SNX25: variants seen among roughly 807,000 people sequenced by gnomAD.
SNX25 encodes the protein sorting nexin 25.
Under a neutral mutation model 113.7 loss-of-function variants are expected in SNX25, and 62 were observed. The ratio of observed to expected loss-of-function variants is 0.55; its 90% CI spans 0.44 to 0.67. The LOEUF (loss-of-function observed/expected upper bound fraction) is 0.67, where lower values mean the gene tolerates loss of function less well. SNX25 is among the 30% of genes least tolerant of loss of function. SNX25 has a pLI of 0.00. For missense variants in SNX25, 1,014 were observed against 1,161.0 expected, an observed-to-expected ratio of 0.87 and a Z score of 1.84; for synonymous variants, 421 against 436.2, an observed-to-expected ratio of 0.97 and a Z score of 0.43.
At chr4:185,268,059 G>T (rs1579549283) in intron 5 of SNX25, among the ~76,000 whole-genome samples, 1 of 152,210 alleles carries the variant, frequency 6.6e-6, no homozygotes, top group Non-Finnish European at 1.5e-5. Context: ...ACAAAATCCT[G>T]TGTAAGTGGA....
At chr4:185,377,761 G>C in the SNX25 span, 14 of 208,552 alleles carry the variant, frequency 6.7e-5, no homozygotes, top group African/African-American at 3.2e-4. Flanking sequence ...GGGAAGATAA[G>C]GTATTTAAAT....
chr4:185,240,773 C>G (rs1378363978), intron 1 of SNX25, among the ~76,000 whole-genome samples: 2 of 150,940 alleles, frequency 1.3e-5, no homozygotes, highest in African/African-American at 2.4e-5. Context: ...GAGTGGCTGC[C>G]GAGCGGAGGG....
At chr4:185,356,818 AG>A (rs1270724698) in intron 15 of SNX25, among the ~76,000 whole-genome samples, 1 of 152,198 alleles carries the variant, frequency 6.6e-6, no homozygotes, top group Non-Finnish European at 1.5e-5. Context: ...CAATAGATGG[AG>A]GTGAATATAT....
chr4:185,359,559 C>T (rs1463773573), intron 16 of SNX25, among the ~76,000 whole-genome samples: 2 of 152,010 alleles, frequency 1.3e-5, no homozygotes, highest in East Asian at 1.9e-4. Context: ...TTTGGGAGGC[C>T]GGAGCAGGTG....
intron 7 of SNX25, among the ~76,000 whole-genome samples, chr4:185,313,287 A>G (rs972825607): frequency 1.3e-5 from 2 of 152,364 alleles, no homozygotes; most frequent in African/African-American, 4.8e-5. Context: ...ATCAGACAAA[A>G]TAGACTTCGG....
At chr4:185,289,914 C>G (rs906697937) in intron 6 of SNX25, among the ~76,000 whole-genome samples, 2 of 152,188 alleles carry the variant, frequency 1.3e-5, no homozygotes, top group African/African-American at 4.8e-5. Context: ...TTAATTTTCT[C>G]ACAGTTCTGG....
intron 5 of SNX25, among the ~76,000 whole-genome samples, chr4:185,283,436 T>G (rs1163376616): frequency 6.6e-6 from 1 of 152,088 alleles, no homozygotes; most frequent in African/African-American, 2.4e-5. Flanking sequence ...GAAATATTAC[T>G]GAGAAGGGAG....
chr4:185,347,318 A>G (rs1168709482), intron 13 of SNX25, among the ~76,000 whole-genome samples: 2 of 152,080 alleles, frequency 1.3e-5, no homozygotes, highest in Non-Finnish European at 2.9e-5. Flanking sequence ...CAGCAGTTTT[A>G]TACTCTCCCC....
intron 6 of SNX25, among the ~76,000 whole-genome samples, chr4:185,295,408 T>C (rs1752702880): frequency 6.6e-6 from 1 of 151,846 alleles, no homozygotes; most frequent in South Asian, 2.1e-4. Flanking sequence ...ATACACACAA[T>C]ATAAATATAG....
intron 1 of SNX25, among the ~76,000 whole-genome samples, chr4:185,226,240 A>T (rs1470685692): frequency 6.6e-6 from 1 of 152,142 alleles, no homozygotes; most frequent in African/African-American, 2.4e-5. Context: ...TTCTGCGATC[A>T]CTTTTTCTGC....
downstream of SNX25, among the ~76,000 whole-genome samples, chr4:185,371,424 C>T (rs2095414971): frequency 6.6e-6 from 1 of 151,690 alleles, no homozygotes; most frequent in African/African-American, 2.4e-5. Flanking sequence ...TGCCTGTAGT[C>T]CCAGCTACTC....
chr4:185,355,929 T>C (rs1274215342), intron 15 of SNX25, among the ~76,000 whole-genome samples: 1 of 152,254 alleles, frequency 6.6e-6, no homozygotes, highest in Non-Finnish European at 1.5e-5. Context: ...AGAGCCAGTA[T>C]CAGCTGGAGC....
intron 13 of SNX25, among the ~76,000 whole-genome samples, chr4:185,349,527 C>G (rs1043448233): frequency 2.6e-5 from 4 of 152,198 alleles, no homozygotes; most frequent in Non-Finnish European, 4.4e-5. Flanking sequence ...TACAATCCCA[C>G]CAACAGTGTA....
intron 4 of SNX25, among the ~76,000 whole-genome samples, chr4:185,265,093 A>G (rs916060506): frequency 1.3e-5 from 2 of 152,118 alleles, no homozygotes; most frequent in Non-Finnish European, 2.9e-5. Flanking sequence ...AGGCCTCCCA[A>G]AGTGCTGAGA....
chr4:185,360,999 G>A (rs2095360652), intron 16 of SNX25, among the ~76,000 whole-genome samples: 1 of 150,994 alleles, frequency 6.6e-6, no homozygotes, highest in Admixed American at 6.6e-5. Context: ...AGAAGACCTG[G>A]GTAACCAAAT....
intron 1 of SNX25, among the ~76,000 whole-genome samples, chr4:185,243,575 C>T (rs1313957645): frequency 1.3e-5 from 2 of 152,186 alleles, no homozygotes; most frequent in Admixed American, 1.3e-4. Context: ...GTACTCCAGC[C>T]TGGGTGGCAC....
At chr4:185,272,642 G>A (rs1408756722) in intron 5 of SNX25, among the ~76,000 whole-genome samples, 1 of 152,130 alleles carries the variant, frequency 6.6e-6, no homozygotes, top group African/African-American at 2.4e-5. Context: ...AACTAATATT[G>A]AGATTCTCTT....
At chr4:185,358,824 A>T (rs939326646) in intron 16 of SNX25, among the ~76,000 whole-genome samples, 1 of 152,180 alleles carries the variant, frequency 6.6e-6, no homozygotes, top group African/African-American at 2.4e-5. Flanking sequence ...AAAAAAAATC[A>T]CTTTTTTATA....
At chr4:185,333,666 A>G (rs775514875) in intron 10 of SNX25, among the ~76,000 whole-genome samples, 1 of 152,204 alleles carries the variant, frequency 6.6e-6, no homozygotes, top group African/African-American at 2.4e-5. Flanking sequence ...GAAGGAAGAA[A>G]GTCCTGCAAA....
Sources: gnomAD v4.1 joint callset for allele counts (sites outside exome capture counted in the v4.1 genomes callset) on GRCh38, gnomAD v4.1.1 for gene constraint, MANE v1.5 for transcripts, NCBI Gene and HGNC (gene_info 2026-07-23, HGNC 2026-07-21) for gene names.